The following PCDHGB7 variants were observed in gnomAD, a reference collection of about 807,000 sequenced individuals.
The protein encoded by PCDHGB7 is protocadherin gamma-B7.
Under a neutral mutation model 61.4 loss-of-function variants are expected in PCDHGB7, and 37 were observed. The ratio of observed to expected loss-of-function variants is 0.60; its 90% CI spans 0.46 to 0.79. The LOEUF (loss-of-function observed/expected upper bound fraction) is 0.79. Ranked by LOEUF, PCDHGB7 falls within the 30% of genes least tolerant of loss-of-function variation. The pLI, the probability that PCDHGB7 is intolerant of heterozygous loss-of-function variation, is 0.00. For synonymous variants in PCDHGB7, 464 were observed against 503.5 expected (o/e 0.92, Z 1.05); for missense variants, 1,166 against 1,202.5 (o/e 0.97, Z 0.45).
Position 141,489,140 on chromosome 5 carries a change from G to A in PCDHGB7, c.2416-5667G>A. ...CCTCCGAGCAGTTTTTAAGAGGCTG[G>A]AAGGAGACATAAGAGACTTCAGCTG... is the stretch of plus-strand genomic sequence containing the variant. On this transcript the variant is annotated intron_variant, in intron 1 of 3. Transcript: ENST00000398594. The surrounding 1 kb of genome is among the most constrained non-coding windows in gnomAD (Gnocchi z 4.5). The A allele has an allele frequency of 1.2e-6, 1 of 841,390 alleles. No individual in the cohort carries two copies. Among genetic ancestry groups the A allele is most frequent in the South Asian group, 2.1e-5 (1 of 47,082 alleles). The allele number at this position is 841,390 out of a possible 1,614,324, so 52.1% of individuals were successfully genotyped here.
intron 3 of PCDHGB7, 149 bp downstream of exon 3, chr5:141,505,630 A>G (rs558394591): frequency 4.7e-5 from 69 of 1,480,262 alleles, no homozygotes; most frequent in Admixed American, 2.2e-5. Flanking sequence ...AATTCCAAAC[A>G]TAAAGCCTGG....
chr5:141,462,471 C>T (rs1464947091), intron 1 of PCDHGB7, among the ~76,000 whole-genome samples: 1 of 152,020 alleles, frequency 6.6e-6, no homozygotes, highest in East Asian at 1.9e-4. Context: ...GTGTATTCTG[C>T]TTCTCGTGGT....
At position 141,486,315 on chromosome 5, in the gene PCDHGB7, C is replaced by T. The variant is rs1432435944; in HGVS notation, c.2416-8492C>T. The T allele has an allele frequency of 6.2e-7, 1 of 1,614,066 alleles. No individual in the cohort carries two copies. Among genetic ancestry groups the T allele is most frequent in the East Asian group, 2.2e-5 (1 of 44,862 alleles). ...AGTGTGCAGGATCCAGACTCAGGGT[C>T]AAACGGAGATGTGAGCCTCCGCATT... On this transcript the variant is annotated intron_variant, in intron 1 of 3. Transcript: ENST00000398594. The surrounding 1 kb of genome is among the most constrained non-coding windows in gnomAD (Gnocchi z 5.0).
intron 1 of PCDHGB7, among the ~76,000 whole-genome samples, chr5:141,437,411 T>C (rs1014219268): frequency 1.1e-4 from 17 of 152,222 alleles, no homozygotes; most frequent in African/African-American, 4.1e-4. Flanking sequence ...TCCAGAAGTA[T>C]TATGCTTTTT....
intron 2 of PCDHGB7, among the ~76,000 whole-genome samples, chr5:141,503,334 C>T (rs2099819255): frequency 6.6e-6 from 1 of 152,072 alleles, no homozygotes; most frequent in Admixed American, 6.6e-5. Context: ...CGGTGGCTCA[C>T]GCCTGTAATT....
chr5:141,420,308 T>C (rs1486910909), intron 1 of PCDHGB7, 34 bp downstream of exon 1: 3 of 1,457,838 alleles, frequency 2.1e-6, no homozygotes, highest in Non-Finnish European at 9.2e-7. Context: ...ATCCTTTTTA[T>C]ATTACAATAT....
In PCDHGB7 at chr5:141,511,421, G is replaced by A. The variant is rs1289887363; in HGVS notation, c.*248G>A. 19 of 829,148 alleles carry A rather than the reference G, an allele frequency of 2.3e-5. No individual in the cohort carries two copies. The highest frequency in any genetic ancestry group is 3.8e-4 in the Middle Eastern group (1 of 2,640). 51.4% of individuals were successfully genotyped at this position (829,148 alleles called of 1,614,324 possible). On this transcript the variant is annotated 3_prime_UTR_variant, in exon 4 of 4. Coordinates refer to ENST00000398594, the MANE Select transcript of PCDHGB7 (RefSeq NM_018927.4). The stretch of plus-strand genomic sequence containing the variant: ...CCAATCAACTGCTGTACCCATGGGG[G>A]TAGTGGGGTTACTGTAGACACCAAG...
At chr5:141,500,012 A>G (rs2099795840) in intron 2 of PCDHGB7, among the ~76,000 whole-genome samples, 1 of 151,622 alleles carries the variant, frequency 6.6e-6, no homozygotes, top group Non-Finnish European at 1.5e-5. Flanking sequence ...TAAGGTCCAC[A>G]TTTTATATTT....
At position 141,511,256 on chromosome 5, in the gene PCDHGB7, T is replaced by C. The variant is rs1003866304; in HGVS notation, c.*83T>C. On this transcript the variant is annotated 3_prime_UTR_variant, in exon 4 of 4. Transcript: ENST00000398594. ...CTTACCTGCACCCAGGCCTCAGAGT[T>C]TCAGGGCTAACCCCCAGAATACTGG... The C allele has an allele frequency of 1.9e-6, 3 of 1,563,388 alleles. No homozygotes were observed. The highest frequency in any genetic ancestry group is 2.7e-5 in the African/African-American group (2 of 73,508).
intron 1 of PCDHGB7, among the ~76,000 whole-genome samples, chr5:141,434,479 A>C (rs2097696849): frequency 6.6e-6 from 1 of 152,202 alleles, no homozygotes; most frequent in African/African-American, 2.4e-5. Flanking sequence ...AGGGCAAGGA[A>C]CACCTGGCCC....
chr5:141,430,632 C>T, intron 1 of PCDHGB7: 1 of 852,604 alleles, frequency 1.2e-6, no homozygotes, highest in Non-Finnish European at 1.7e-6. Flanking sequence ...AATGAACCAT[C>T]CCTGGGAGTA....
rs747887064 is a variant in PCDHGB7 at position 141,419,451 on chromosome 5, C to T, written c.1592C>T (p.Thr531Met). 1.2e-6 allele frequency: 2 copies of T among 1,612,796 alleles called. No homozygotes were observed. Among genetic ancestry groups the T allele is most frequent in the Non-Finnish European group, 8.5e-7 (1 of 1,179,626 alleles). ...DHEQLRTFEL[T>M]LQARDQGSPA... Reference sequence around the variant, plus strand: ...GAGCAGCTGCGCACCTTCGAGCTCACGCTGCAGGCCCGCGACCAGGGCTCG... The same window carrying T: ...GAGCAGCTGCGCACCTTCGAGCTCATGCTGCAGGCCCGCGACCAGGGCTCG... The change falls in exon 1 of 4, where the codon ACG becomes ATG. Residue 531 changes from threonine to methionine, a missense_variant. Physicochemically the swap from Thr to Met is moderately conservative, Grantham distance 81 (BLOSUM62 -1). Transcript: ENST00000398594.
chr5:141,447,558 G>T (rs551305232), intron 1 of PCDHGB7, among the ~76,000 whole-genome samples: 1 of 152,264 alleles, frequency 6.6e-6, no homozygotes, highest in African/African-American at 2.4e-5. Context: ...GAGTACACTT[G>T]GAGGATTCTA....
intron 1 of PCDHGB7, among the ~76,000 whole-genome samples, chr5:141,460,961 A>ATATG (rs1463306338): frequency 3.5e-5 from 5 of 144,556 alleles, no homozygotes; most frequent in African/African-American, 1.3e-4. Flanking sequence ...GTATATATAT[A>ATATG]TGTGTGTGTG....
intron 1 of PCDHGB7, among the ~76,000 whole-genome samples, chr5:141,460,173 A>C (rs2098983888): frequency 6.6e-6 from 1 of 152,004 alleles, no homozygotes; most frequent in Admixed American, 6.6e-5. Flanking sequence ...TATTTTGTGG[A>C]TATTTTATCC....
chr5:141,472,980 C>CAAAAAAAAAAAAAAA (rs60579131), intron 1 of PCDHGB7, among the ~76,000 whole-genome samples: 13 of 86,076 alleles, frequency 1.5e-4, no homozygotes, highest in African/African-American at 1.9e-4. Context: ...GAGTGAAACT[C>CAAAAAAAAAAAAAAA]AAAAAAAAAA....
chr5:141,450,556 G>A lies in PCDHGB7; in HGVS notation c.2415+30282G>A, dbSNP rs534127421. Among the ~76,000 whole-genome samples, 5 of 151,822 alleles carry A rather than the reference G, an allele frequency of 3.3e-5. 1 individual carries two copies. Among genetic ancestry groups the A allele is most frequent in the South Asian group, 2.1e-4 (1 of 4,804 alleles). On this transcript the variant is annotated intron_variant, in intron 1 of 3. Transcript: ENST00000398594. ...GGCTGGAATGCAGTGGCGCAGTCTCGGCTCACTGCAACTTCTGCCTCCCAG... is the reference window on the plus strand; with the variant it reads ...GGCTGGAATGCAGTGGCGCAGTCTCAGCTCACTGCAACTTCTGCCTCCCAG...
At chr5:141,428,185 G>A (rs775261215) in intron 1 of PCDHGB7, 1 of 1,446,348 alleles carries the variant, frequency 6.9e-7, no homozygotes, top group Admixed American at 1.8e-5. Context: ...GAGGACAGCC[G>A]CCGCTCTCTG....
chr5:141,487,032 C>T lies in PCDHGB7; in HGVS notation c.2416-7775C>T. 6.2e-7 allele frequency: 1 copy of T among 1,614,210 alleles called. No individual in the cohort carries two copies. The highest frequency in any genetic ancestry group is 1.1e-5 in the South Asian group (1 of 91,084). ...GAGGCCCCAGATCCCAGCCTGTTTG[C>T]AGTCTCTCGATATGCTGGGGAGGTG... On this transcript the variant is annotated intron_variant, in intron 1 of 3. Coordinates refer to ENST00000398594, the MANE Select transcript of PCDHGB7 (RefSeq NM_018927.4). The surrounding 1 kb of genome is among the most constrained non-coding windows in gnomAD (Gnocchi z 5.0).
Sources: allele counts gnomAD v4.1 joint callset (sites outside exome capture counted in the v4.1 genomes callset), GRCh38; gene constraint gnomAD v4.1.1; non-coding constraint Gnocchi (gnomAD v3.1); transcripts MANE v1.5; gene names NCBI Gene and HGNC (gene_info 2026-07-23, HGNC 2026-07-21).